KIF19: variants seen among roughly 807,000 people sequenced by gnomAD.
The protein encoded by KIF19 is kinesin family member 19, also known as kinesin-like protein KIF19.
A neutral mutation model predicts 106.6 loss-of-function variants in KIF19; 98 were observed. The observed-to-expected ratio is 0.92, with a 90% CI of 0.78 to 1.09. The LOEUF (loss-of-function observed/expected upper bound fraction) is 1.09. Among genes scored for constraint, KIF19 ranks in the 50% least tolerant of loss-of-function variants. The probability of loss-of-function intolerance (pLI) is 0.00; values close to 1 mark genes in which losing one functional copy is unlikely to be tolerated. For synonymous variants in KIF19, 516 were observed against 584.2 expected (o/e 0.88, Z 1.68); for missense variants, 1,373 against 1,414.3 (o/e 0.97, Z 0.47).
chr17:74,331,726 G>A lies in KIF19; in HGVS notation c.120+3221G>A, dbSNP rs143491205. ...CATGTAGCTGGGATTACGGGCGCGC[G>A]CCACCGTGCCCAGCTAATTTTTGTA... On this transcript the variant is annotated intron_variant, in intron 2 of 19. Coordinates refer to ENST00000389916, the MANE Select transcript of KIF19 (RefSeq NM_153209.4). This position sits in a 1 kb window ranked among gnomAD's most constrained non-coding sequence, Gnocchi z 4.1. 8.7e-3 allele frequency among the ~76,000 whole-genome samples: 1,321 copies of A among 151,986 alleles called. 23 individuals carry two copies. The highest frequency in any genetic ancestry group is 0.03 in the African/African-American group (1,254 of 41,446).
At chr17:74,328,582 A>G (rs2053982685) in intron 2 of KIF19, 77 bp downstream of exon 2, 3 of 1,277,324 alleles carry the variant, frequency 2.3e-6, no homozygotes, top group East Asian at 2.5e-5. Context: ...GAGGGCAGAA[A>G]GGGCCCCTGT....
intron 2 of KIF19, among the ~76,000 whole-genome samples, chr17:74,337,516 A>T (rs2054252197): frequency 6.6e-6 from 1 of 152,156 alleles, no homozygotes; most frequent in African/African-American, 2.4e-5. Context: ...TGAGCTGAGA[A>T]CCAGTGCCAC....
chr17:74,354,250 C>T lies in KIF19; in HGVS notation c.2397C>T (p.His799=), dbSNP rs770341971. The part of the protein sequence containing the change: ...RSRALGTEGR[H]LLAPATERSS... ...GGGCCCTGGGAACCGAGGGGCGACA[C>T]CTGCTGGCACCCGCGACAGAGCGCA... The change falls in exon 18 of 20, where the codon CAC becomes CAT. Residue 799 remains histidine, a synonymous_variant. Coordinates refer to ENST00000389916, the MANE Select transcript of KIF19 (RefSeq NM_153209.4). 6.2e-7 allele frequency: 1 copy of T among 1,608,446 alleles called. No homozygotes were observed. Among genetic ancestry groups the T allele is most frequent in the African/African-American group, 1.3e-5 (1 of 75,050 alleles).
chr17:74,333,361 ATTTTTT>A lies in KIF19; in HGVS notation c.120+4872_120+4877del, dbSNP rs35232394. On this transcript the variant is annotated intron_variant, in intron 2 of 19. Transcript: ENST00000389916. ...TGGAATCATGCAGTATGTGGTCCTA[ATTTTTT>A]TTTTTTTTTTTTTTTGAGACACAGT... Among the ~76,000 whole-genome samples, 1,193 of 129,452 alleles carry A rather than the reference ATTTTTT, an allele frequency of 9.2e-3. 18 individuals are homozygous for A. The highest frequency in any genetic ancestry group is 0.034 in the African/African-American group (1,127 of 32,788). 84.9% of individuals were successfully genotyped at this position (129,452 alleles called of 152,430 possible). A position where few individuals can be genotyped will look rare whatever the true frequency, so the allele number is the denominator to read the frequency against.
chr17:74,354,296 C>A lies in KIF19; in HGVS notation c.2443C>A (p.Leu815Met). Reference protein sequence around the residue: ...TERSSLSLHSLSEGDDARPPG... With the variant: ...TERSSLSLHSMSEGDDARPPG... Reference sequence around the variant, plus strand: ...GCGCAGCAGCCTGTCCCTGCACTCACTGAGCGAGGGCGACGATGCGCGGCC... The same window carrying A: ...GCGCAGCAGCCTGTCCCTGCACTCAATGAGCGAGGGCGACGATGCGCGGCC... Residue 815 changes from leucine to methionine, a missense_variant, in exon 18 of 20, where the codon CTG (leucine) becomes ATG (methionine). Coordinates refer to ENST00000389916, the MANE Select transcript of KIF19 (RefSeq NM_153209.4). 1 of 1,608,812 alleles carries A rather than the reference C, an allele frequency of 6.2e-7. No homozygotes were observed. Among genetic ancestry groups the A allele is most frequent in the Non-Finnish European group, 8.5e-7 (1 of 1,178,702 alleles).
intron 2 of KIF19, among the ~76,000 whole-genome samples, chr17:74,330,978 G>T (rs928972529): frequency 1.3e-5 from 2 of 152,196 alleles, no homozygotes; most frequent in African/African-American, 4.8e-5. Context: ...TCTAACGGAG[G>T]ACTGTAGTTT....
chr17:74,340,532 C>A (rs1176097635), intron 2 of KIF19, among the ~76,000 whole-genome samples: 1 of 123,730 alleles, frequency 8.1e-6, no homozygotes, highest in Non-Finnish European at 1.8e-5. Flanking sequence ...TCTCAACACA[C>A]GTGCCAGCAG....
Position 74,350,339 on chromosome 17 carries a change from C to A in KIF19, c.1214-62C>A, listed in dbSNP as rs570040955. ...AAAGGAGGGGAGGGGCCCAGGTGGG[C>A]CCAGGCTTTGCTAGCTGAACTTGCC... is the stretch of plus-strand genomic sequence containing the variant. On this transcript the variant is annotated intron_variant, in intron 10 of 19. Transcript: ENST00000389916. The A allele has an allele frequency of 3.4e-6, 5 of 1,486,568 alleles. No individual in the cohort carries two copies. The Admixed American group carries it at 1.0e-4, about 31-fold the overall frequency. 92.1% of individuals were successfully genotyped at this position (1,486,568 alleles called of 1,614,324 possible).
Position 74,355,309 on chromosome 17 carries a change from C to A in KIF19, c.2994C>A (p.Asn998Lys). 1 of 1,606,220 alleles carries A rather than the reference C, an allele frequency of 6.2e-7. No homozygotes were observed. The highest frequency in any genetic ancestry group is 1.1e-5 in the South Asian group (1 of 90,304). The change falls in exon 20 of 20, where the codon AAC becomes AAA. Residue 998 changes from asparagine (N) to lysine (K), a missense_variant. By Grantham distance (94) the Asn-to-Lys change is moderately conservative. Around this residue, in one of 3 missense-constraint regions of KIF19, gnomAD observed 1,020 missense variants for 1,008.2 expected, o/e 1.01. Coordinates refer to ENST00000389916, the MANE Select transcript of KIF19 (RefSeq NM_153209.4). Reference protein sequence around the residue: ...THGKDGCSRHN With the variant: ...THGKDGCSRHK The stretch of plus-strand genomic sequence containing the variant: ...GCAAAGATGGATGCTCCCGGCATAA[C>A]TGAGGGGCCCTGCCTGGAACTGGCT...
intron 2 of KIF19, among the ~76,000 whole-genome samples, chr17:74,335,352 G>A (rs1389593105): frequency 6.6e-6 from 1 of 152,252 alleles, no homozygotes; most frequent in African/African-American, 2.4e-5. Context: ...AAAGAATCCT[G>A]TTAAAAGTGC....
rs1438360962 is a variant in KIF19, at chr17:74,354,514, G to A, written c.2661G>A (p.Lys887=). ...AAAGGGAGGAGTCGCTGGAGGCAAA[G>A]AGAAGGAAGCGGAGGTCCCGATCCT... ...GKKREESLEA[K]RRKRRSRSFE... Residue 887 remains lysine, a synonymous_variant, in exon 18 of 20, where the codon AAG becomes AAA. Coordinates refer to ENST00000389916, the MANE Select transcript of KIF19 (RefSeq NM_153209.4). 6.2e-7 allele frequency: 1 copy of A among 1,603,936 alleles called. No individual in the cohort carries two copies. The highest frequency in any genetic ancestry group is 1.7e-5 in the Admixed American group (1 of 58,466).
rs776836395 is a variant in KIF19, at chr17:74,344,947, G to T, written c.769G>T (p.Ala257Ser). ...GATCGACCTGGCTGGCTCAGAGCGCGCCTCGCAGGTGAGGCTGGGACCTGG... is the reference window on the plus strand; with the variant it reads ...GATCGACCTGGCTGGCTCAGAGCGCTCCTCGCAGGTGAGGCTGGGACCTGG... ...FMIDLAGSER[A>S]SQTQNRGQRM... The change falls in exon 7 of 20, where the codon GCC becomes TCC. Residue 257 changes from alanine (A) to serine (S), a missense_variant. Physicochemically the swap from Ala to Ser is moderately conservative, Grantham distance 99. This residue lies in a region of KIF19 where 348 missense variants were observed against 389.5 expected (regional missense o/e 0.89). Coordinates refer to ENST00000389916, the MANE Select transcript of KIF19 (RefSeq NM_153209.4). The T allele has an allele frequency of 2.5e-6, 4 of 1,602,702 alleles. No individual in the cohort carries two copies. The highest frequency in any genetic ancestry group is 1.3e-5 in the African/African-American group (1 of 74,938).
At chr17:74,326,450 G>T in intron 1 of KIF19, 62 bp downstream of exon 1, 1 of 1,530,116 alleles carries the variant, frequency 6.5e-7, no homozygotes, top group Non-Finnish European at 9.0e-7. Flanking sequence ...TCGGCCTCCA[G>T]CGACAGAGTC....
intron 7 of KIF19, among the ~76,000 whole-genome samples, chr17:74,345,177 G>A (rs918248197): frequency 6.6e-6 from 1 of 152,122 alleles, no homozygotes; most frequent in African/African-American, 2.4e-5. Context: ...GGTTAAGGAA[G>A]TGAGGAACGT....
At chr17:74,338,903 C>CCT (rs2054286342) in intron 2 of KIF19, among the ~76,000 whole-genome samples, 2 of 152,024 alleles carry the variant, frequency 1.3e-5, no homozygotes, top group Non-Finnish European at 1.5e-5. Context: ...AGCGGCCACC[C>CCT]CTCATGCCTT....
intron 2 of KIF19, among the ~76,000 whole-genome samples, chr17:74,339,778 C>T (rs952436065): frequency 1.3e-5 from 2 of 152,232 alleles, no homozygotes; most frequent in African/African-American, 4.8e-5. Context: ...TTAGAGGCGC[C>T]AGCTGCCTCT....
Position 74,351,903 on chromosome 17 carries a change from C to A in KIF19, c.1624C>A (p.Arg542=). ...GCAGCGCTGCCGGGAGCTGCGCGCGCGGGGCCGGCGCCTGGAGGAGACGCT... is the reference window on the plus strand; with the variant it reads ...GCAGCGCTGCCGGGAGCTGCGCGCGAGGGGCCGGCGCCTGGAGGAGACGCT... The part of the protein sequence containing the change: ...LEQRCRELRA[R]GRRLEETLPR... Residue 542 remains arginine (R), a synonymous_variant, in exon 13 of 20, where the codon CGG becomes AGG. Transcript: ENST00000389916. 1 of 1,415,142 alleles carries A rather than the reference C, an allele frequency of 7.1e-7. No homozygotes were observed. Among genetic ancestry groups the A allele is most frequent in the Non-Finnish European group, 9.2e-7 (1 of 1,092,892 alleles). 87.7% of individuals were successfully genotyped at this position (1,415,142 alleles called of 1,614,324 possible).
rs868052643 is a variant in KIF19 at position 74,331,407 on chromosome 17, G to T, written c.120+2902G>T. On this transcript the variant is annotated intron_variant, in intron 2 of 19. Coordinates refer to ENST00000389916, the MANE Select transcript of KIF19 (RefSeq NM_153209.4). This position sits in a 1 kb window ranked among gnomAD's most constrained non-coding sequence, Gnocchi z 4.1. ...CCCGCTGGGCTGGGCCACCGTGAGGGGTCCTGGGGCAGCTTTCTTTAGTCT... is the reference window on the plus strand; with the variant it reads ...CCCGCTGGGCTGGGCCACCGTGAGGTGTCCTGGGGCAGCTTTCTTTAGTCT... Among the ~76,000 whole-genome samples the T allele has an allele frequency of 1.1e-4, 17 of 152,226 alleles. No individual in the cohort carries two copies. Among genetic ancestry groups the T allele is most frequent in the Middle Eastern group, 3.4e-3 (1 of 294 alleles).
intron 2 of KIF19, among the ~76,000 whole-genome samples, chr17:74,332,222 G>GTGTT (rs1567897789): frequency 3.9e-5 from 5 of 126,634 alleles, no homozygotes; most frequent in South Asian, 2.8e-4. Context: ...GTGTGTGTGT[G>GTGTT]TGTGTGTGTG....
Sources: gnomAD v4.1 joint callset for allele counts (sites outside exome capture counted in the v4.1 genomes callset) on GRCh38, gnomAD v4.1.1 for gene constraint, gnomAD v4.1.1 regional missense constraint, Gnocchi (gnomAD v3.1) non-coding constraint, MANE v1.5 for transcripts, NCBI Gene and HGNC (gene_info 2026-07-23, HGNC 2026-07-21) for gene names.